Variants in PCNT observed in about 807,000 individuals in gnomAD.
The protein encoded by PCNT is pericentrin.
A neutral mutation model predicts 380.4 loss-of-function variants in PCNT; 319 were observed. That is an observed-to-expected ratio of 0.84 (90% CI 0.77 to 0.92). The LOEUF is 0.92. Ranked by LOEUF, PCNT falls within the 40% of genes least tolerant of loss-of-function variation. The pLI is 0.00. For missense variants in PCNT, 4,400 were observed against 4,255.3 expected (o/e 1.03, Z -0.95); for synonymous variants, 1,845 against 1,735.2 (o/e 1.06, Z -1.57).
intron 44 of PCNT, chr21:46,442,822 A>G: frequency 1.8e-6 from 1 of 569,990 alleles, no homozygotes; most frequent in Non-Finnish European, 3.1e-6. Context: ...GATGCTCAAT[A>G]TATTGATTAT....
At chr21:46,417,184 C>CTTTTT (rs71318076) in intron 30 of PCNT, among the ~76,000 whole-genome samples, 1,113 of 73,436 alleles carry the variant, frequency 0.015, 9 homozygotes, top group Middle Eastern at 0.03. Flanking sequence ...GGAATGCTTC[C>CTTTTT]TTTTTTTTTT....
At chr21:46,324,855 C>G (rs147023145) in intron 1 of PCNT, 2 of 984,916 alleles carry the variant, frequency 2.0e-6, no homozygotes, top group African/African-American at 1.7e-5. Flanking sequence ...TCGCCTCGTC[C>G]GTCGGAGATG....
At chr21:46,416,943 C>A in intron 30 of PCNT, 104 bp downstream of exon 30, 2 of 1,134,122 alleles carry the variant, frequency 1.8e-6, no homozygotes, top group Non-Finnish European at 2.5e-6. Flanking sequence ...CAGCACACAC[C>A]TCGCAGTGCT....
At position 46,390,732 on chromosome 21, in the gene PCNT, G is replaced by C; in HGVS notation, c.3903G>C (p.Glu1301Asp). The change falls in exon 20 of 47, where the codon GAG (glutamate) becomes GAC (aspartate). Residue 1301 changes from glutamate to aspartate, a missense_variant. By Grantham distance (45) the Glu-to-Asp change is conservative. Coordinates refer to ENST00000359568, the MANE Select transcript of PCNT (RefSeq NM_006031.6). ...AAGAATTTAGTTTTAAGAATGAGGA[G>C]ACAGCACAGGTTGTCAGGAAGCACC... is the stretch of plus-strand genomic sequence containing the variant. ...FEKEFSFKNE[E>D]TAQVVRKHQE... is the part of the protein sequence containing the mutation. The C allele has an allele frequency of 6.2e-7, 1 of 1,613,864 alleles. No homozygotes were observed. Among genetic ancestry groups the C allele is most frequent in the Non-Finnish European group, 8.5e-7 (1 of 1,179,974 alleles).
chr21:46,325,187 C>T, intron 1 of PCNT: 2 of 985,732 alleles, frequency 2.0e-6, no homozygotes, highest in Non-Finnish European at 1.2e-6. Context: ...GGCGGAACCG[C>T]GGGAGCAGGC....
Position 46,431,604 on chromosome 21 carries a change from G to A in PCNT, c.8140G>A (p.Ala2714Thr). The change falls in exon 38 of 47, where the codon GCC becomes ACC. Residue 2714 changes from alanine to threonine, a missense_variant. Coordinates refer to ENST00000359568, the MANE Select transcript of PCNT (RefSeq NM_006031.6). ...CGTGGCACTGAAACACGAGCAGACG[G>A]CCAAGGACAACCTGCAGAAGGAGCT... Reference protein sequence around the residue: ...LCVALKHEQTAKDNLQKELRI... With the variant: ...LCVALKHEQTTKDNLQKELRI... The A allele has an allele frequency of 6.2e-7, 1 of 1,614,072 alleles. No individual in the cohort carries two copies. Among genetic ancestry groups the A allele is most frequent in the Non-Finnish European group, 8.5e-7 (1 of 1,179,966 alleles).
In PCNT at chr21:46,414,016, G is replaced by C. The variant is rs1417679199; in HGVS notation, c.6150+1024G>C. Among the ~76,000 whole-genome samples, 3 of 148,208 alleles carry C rather than the reference G, an allele frequency of 2.0e-5. No individual in the cohort carries two copies. In the East Asian group the frequency reaches 6.0e-4, roughly 30 times the overall value. ...TCTCTTTTTTTTTTTTTTTGAGACA[G>C]AGTCTTGCTCTGTCGCCCAGGCTGG... On this transcript the variant is annotated intron_variant, in intron 29 of 46. Transcript: ENST00000359568.
chr21:46,441,772 A>G (rs1374472656), intron 43 of PCNT, among the ~76,000 whole-genome samples: 12 of 151,970 alleles, frequency 7.9e-5, no homozygotes. Flanking sequence ...GCAGACCCAG[A>G]TCCTACCTCC....
intron 16 of PCNT, among the ~76,000 whole-genome samples, chr21:46,383,517 A>G (rs372830501): frequency 8.9e-5 from 12 of 134,756 alleles, no homozygotes; most frequent in African/African-American, 2.8e-4. Context: ...ACCATGTTGT[A>G]TATTCAGTGG....
At chr21:46,356,253 G>A (rs960103091) in intron 12 of PCNT, among the ~76,000 whole-genome samples, 1 of 152,222 alleles carries the variant, frequency 6.6e-6, no homozygotes, top group African/African-American at 2.4e-5. Context: ...GGGTCCTGCT[G>A]GGAGGTGTGT....
intron 45 of PCNT, 105 bp from the exon 46 acceptor site, chr21:46,444,589 G>A (rs778210671): frequency 2.9e-5 from 37 of 1,276,874 alleles, no homozygotes; most frequent in Non-Finnish European, 3.8e-5. Flanking sequence ...TCTGGTTGGC[G>A]GGGCTGGTGC....
intron 1 of PCNT, chr21:46,324,826 G>C (rs990844836): frequency 3.1e-6 from 3 of 958,948 alleles, no homozygotes; most frequent in Non-Finnish European, 3.7e-6. Context: ...GGCCTGCAGC[G>C]CCTCCCCAGG....
At position 46,346,431 on chromosome 21, in the gene PCNT, CACTG is replaced by C. The variant is rs563486029; in HGVS notation, c.720+226_720+229del. ...TCAGGTGCAGGCCACATGAATGACA[CACTG>C]ACCTCAGGCCGGTTGCTCTCCCTGT... On this transcript the variant is annotated intron_variant, in intron 4 of 46. Coordinates refer to ENST00000359568, the MANE Select transcript of PCNT (RefSeq NM_006031.6). Among the ~76,000 whole-genome samples, 14 of 152,292 alleles carry C rather than the reference CACTG, an allele frequency of 9.2e-5. No homozygotes were observed. In the South Asian group the frequency reaches 2.9e-3, roughly 32 times the overall value.
intron 15 of PCNT, among the ~76,000 whole-genome samples, chr21:46,367,541 C>T (rs1416686601): frequency 6.6e-6 from 1 of 152,238 alleles, no homozygotes; most frequent in South Asian, 2.1e-4. Flanking sequence ...CTCCTGACTT[C>T]AGGCGATCCA....
At position 46,364,071 on chromosome 21, in the gene PCNT, G is replaced by T. The variant is rs2084813909; in HGVS notation, c.2609+137G>T. The T allele has an allele frequency of 7.9e-6, 6 of 758,254 alleles. No homozygotes were observed. In the East Asian group the frequency reaches 1.6e-4, roughly 20 times the overall value. 47.0% of individuals were successfully genotyped at this position (758,254 alleles called of 1,614,324 possible). Reference sequence around the variant, plus strand: ...TCTGGAGGGAGCTGGAACAAGGTGTGGCGCTCTAGGTTTTCAGCCTAATTG... The same window carrying T: ...TCTGGAGGGAGCTGGAACAAGGTGTTGCGCTCTAGGTTTTCAGCCTAATTG... On this transcript the variant is annotated intron_variant, in intron 14 of 46. Coordinates refer to ENST00000359568, the MANE Select transcript of PCNT (RefSeq NM_006031.6).
At chr21:46,386,584 C>T (rs1366858047) in intron 17 of PCNT, among the ~76,000 whole-genome samples, 9 of 152,248 alleles carry the variant, frequency 5.9e-5, no homozygotes. Flanking sequence ...GGGCCGCCTT[C>T]CCTGAACGCA....
intron 29 of PCNT, among the ~76,000 whole-genome samples, chr21:46,414,841 G>A (rs2086956439): frequency 7.1e-6 from 1 of 140,634 alleles, no homozygotes; most frequent in Non-Finnish European, 1.5e-5. Context: ...CCTCCTCCTG[G>A]ACACACAGAC....
intron 31 of PCNT, chr21:46,420,856 A>T (rs780790606): frequency 6.6e-6 from 1 of 152,222 alleles, no homozygotes; most frequent in Non-Finnish European, 1.5e-5. Context: ...CCTGAAGTAG[A>T]TGATTTCCCC....
intron 44 of PCNT, 169 bp downstream of exon 44, chr21:46,442,742 G>C (rs1179259187): frequency 1.5e-6 from 1 of 666,248 alleles, no homozygotes; most frequent in Admixed American, 2.2e-5. Flanking sequence ...CGCGCCCGGC[G>C]TAGGGAGGTC....
Sources: allele counts gnomAD v4.1 joint callset (sites outside exome capture counted in the v4.1 genomes callset), GRCh38; gene constraint gnomAD v4.1.1; transcripts MANE v1.5; gene names NCBI Gene and HGNC (gene_info 2026-07-23, HGNC 2026-07-21).